The following CTNNA3 variants were observed in gnomAD, a reference collection of about 807,000 sequenced individuals.
The protein encoded by CTNNA3 is catenin alpha-3.
Under a neutral mutation model 95.7 loss-of-function variants are expected in CTNNA3, and 76 were observed. That is an observed-to-expected ratio of 0.79 (90% CI 0.66 to 0.96). CTNNA3 has a LOEUF of 0.96. CTNNA3 is among the 40% of genes least tolerant of loss of function. The probability of loss-of-function intolerance (pLI) is 0.00; values close to 1 mark genes in which losing one functional copy is unlikely to be tolerated. For missense variants in CTNNA3, 1,191 were observed against 1,089.8 expected (o/e 1.09, Z -1.31); for synonymous variants, 431 against 374.4 (o/e 1.15, Z -1.74).
chr10:66,191,007 GA>G (rs564303159), intron 13 of CTNNA3, among the ~76,000 whole-genome samples: 48 of 152,096 alleles, frequency 3.2e-4, no homozygotes, highest in African/African-American at 1.0e-3. Context: ...ATGTTATATT[GA>G]ATGCAAAAAG....
chr10:66,729,483 T>C (rs544576551), intron 9 of CTNNA3, among the ~76,000 whole-genome samples: 36 of 152,368 alleles, frequency 2.4e-4, no homozygotes, highest in African/African-American at 8.7e-4. Flanking sequence ...TATTCTATTA[T>C]GTTCACAGCA....
At chr10:66,574,916 G>T (rs890704671) in intron 10 of CTNNA3, among the ~76,000 whole-genome samples, 1 of 152,062 alleles carries the variant, frequency 6.6e-6, no homozygotes, top group African/African-American at 2.4e-5. Flanking sequence ...GTATGGGTTG[G>T]ATGTCCCAAG....
At chr10:67,405,433 T>A (rs1845101822) in intron 5 of CTNNA3, among the ~76,000 whole-genome samples, 2 of 151,802 alleles carry the variant, frequency 1.3e-5, no homozygotes, top group Admixed American at 6.6e-5. Flanking sequence ...CCAAAAAATA[T>A]CAAAAAAGAC....
intron 1 of CTNNA3, among the ~76,000 whole-genome samples, chr10:67,755,920 T>G (rs1384511774): frequency 1.3e-5 from 2 of 151,768 alleles, no homozygotes; most frequent in East Asian, 3.9e-4. Context: ...ATGGAATTGA[T>G]CTAAATGCTC....
intron 11 of CTNNA3, among the ~76,000 whole-genome samples, chr10:66,435,030 T>C (rs867440681): frequency 2.6e-5 from 4 of 151,920 alleles, no homozygotes; most frequent in African/African-American, 7.3e-5. Flanking sequence ...TTTGATGTGC[T>C]GCTGGATTCA....
At chr10:67,526,638 A>T (rs1840153834) in intron 4 of CTNNA3, among the ~76,000 whole-genome samples, 1 of 152,232 alleles carries the variant, frequency 6.6e-6, no homozygotes, top group Admixed American at 6.5e-5. Context: ...AAAGACATTC[A>T]TTCAACAAAT....
chr10:67,347,794 T>C (rs1289772262), intron 5 of CTNNA3, among the ~76,000 whole-genome samples: 2 of 144,688 alleles, frequency 1.4e-5, no homozygotes, highest in Non-Finnish European at 3.0e-5. Context: ...AGAATTTATA[T>C]GATGCATCAG....
intron 11 of CTNNA3, among the ~76,000 whole-genome samples, chr10:66,402,794 T>C (rs909132213): frequency 6.6e-6 from 1 of 152,194 alleles, no homozygotes; most frequent in Non-Finnish European, 1.5e-5. Context: ...GGTAACATCT[T>C]AATGTCACTG....
intron 15 of CTNNA3, among the ~76,000 whole-genome samples, chr10:66,011,066 T>A (rs2078996570): frequency 6.6e-6 from 1 of 152,204 alleles, no homozygotes; most frequent in Admixed American, 6.5e-5. Context: ...TTGTGTTGAT[T>A]TGAAACACAG....
chr10:66,166,021 C>T (rs2085109144), intron 13 of CTNNA3, among the ~76,000 whole-genome samples: 1 of 152,030 alleles, frequency 6.6e-6, no homozygotes, highest in African/African-American at 2.4e-5. Context: ...CCTCTTCGGC[C>T]TCCCAAAGTG....
rs574608230 is a variant in CTNNA3, at chr10:66,057,276, C to A, written c.2159+12032G>T. Among the ~76,000 whole-genome samples, 4 of 152,192 alleles carry A rather than the reference C, an allele frequency of 2.6e-5. No individual in the cohort carries two copies. In the East Asian group the frequency reaches 7.7e-4, roughly 29 times the overall value. On this transcript the variant is annotated intron_variant, in intron 15 of 17. Coordinates refer to ENST00000433211, the MANE Select transcript of CTNNA3 (RefSeq NM_013266.4). Reference sequence around the variant, plus strand: ...ACATTTTTGTATTAATATAATTTAACTATAACACCTAAAATCTCTGAAGAT... The same window carrying A: ...ACATTTTTGTATTAATATAATTTAAATATAACACCTAAAATCTCTGAAGAT...
intron 7 of CTNNA3, among the ~76,000 whole-genome samples, chr10:66,942,948 G>A (rs1348016714): frequency 6.6e-6 from 1 of 152,170 alleles, no homozygotes; most frequent in Admixed American, 6.5e-5. Context: ...CACTTAATGA[G>A]CACCTATAAT....
At chr10:66,911,128 C>T (rs558619592) in intron 7 of CTNNA3, among the ~76,000 whole-genome samples, 1 of 152,282 alleles carries the variant, frequency 6.6e-6, no homozygotes, top group African/African-American at 2.4e-5. Flanking sequence ...TAATTTCTTT[C>T]CTTTTCAGAG....
chr10:66,732,117 T>A (rs1001070103), intron 9 of CTNNA3, among the ~76,000 whole-genome samples: 1 of 152,254 alleles, frequency 6.6e-6, no homozygotes, highest in Admixed American at 6.5e-5. Context: ...GCCCAGGTTA[T>A]TCTCTTCCTT....
intron 2 of CTNNA3, among the ~76,000 whole-genome samples, chr10:67,636,970 A>G (rs1238592747): frequency 6.6e-6 from 1 of 152,208 alleles, no homozygotes; most frequent in East Asian, 1.9e-4. Context: ...TCCTACTCCA[A>G]AGGAATGCAG....
At chr10:67,130,673 C>G (rs1859951257) in intron 7 of CTNNA3, among the ~76,000 whole-genome samples, 2 of 152,062 alleles carry the variant, frequency 1.3e-5, no homozygotes, top group South Asian at 4.1e-4. Context: ...TAAATTAATA[C>G]ATTTTAGCAT....
At chr10:66,285,752 A>G (rs1289922673) in intron 12 of CTNNA3, among the ~76,000 whole-genome samples, 8 of 151,834 alleles carry the variant, frequency 5.3e-5, no homozygotes, top group Non-Finnish European at 1.5e-5. Context: ...TGTTTAAATT[A>G]TCAATACTAT....
At chr10:67,080,919 AAAAAAC>A (rs764042590) in intron 7 of CTNNA3, among the ~76,000 whole-genome samples, 13 of 101,048 alleles carry the variant, frequency 1.3e-4, no homozygotes, top group Non-Finnish European at 1.9e-4. Context: ...AAAAAAAACA[AAAAAAC>A]AAAAAAACAA....
intron 1 of CTNNA3, among the ~76,000 whole-genome samples, chr10:67,652,171 G>A (rs1434207653): frequency 6.6e-6 from 1 of 152,200 alleles, no homozygotes; most frequent in Non-Finnish European, 1.5e-5. Flanking sequence ...TTCTTATAAG[G>A]ACACTAATCC....
Sources: allele counts gnomAD v4.1 joint callset (sites outside exome capture counted in the v4.1 genomes callset), GRCh38; gene constraint gnomAD v4.1.1; transcripts MANE v1.5; gene names NCBI Gene and HGNC (gene_info 2026-07-23, HGNC 2026-07-21).